Variants in PCDHGA7 observed in about 807,000 individuals in gnomAD.
The protein encoded by PCDHGA7 is protocadherin gamma subfamily A, 7.
In PCDHGA7, 44 loss-of-function variants were observed where a neutral mutation model predicts 58.3. The observed-to-expected ratio is 0.75, with a 90% CI of 0.59 to 0.97. PCDHGA7 has a LOEUF of 0.97. PCDHGA7 is among the 50% of genes least tolerant of loss of function. The probability of loss-of-function intolerance (pLI) is 0.00; values close to 1 mark genes in which losing one functional copy is unlikely to be tolerated. For missense variants in PCDHGA7, 1,266 were observed against 1,188.7 expected (o/e 1.06, Z -0.96); for synonymous variants, 516 against 504.2 (o/e 1.02, Z -0.31).
At chr5:141,495,800 C>T (rs1351461035) in intron 2 of PCDHGA7, among the ~76,000 whole-genome samples, 5 of 152,134 alleles carry the variant, frequency 3.3e-5, no homozygotes, top group Non-Finnish European at 7.3e-5. Context: ...CTCCTTTCAC[C>T]GTTTCCTAGC....
At chr5:141,386,956 G>A (rs1561613070) in intron 1 of PCDHGA7, among the ~76,000 whole-genome samples, 1 of 152,208 alleles carries the variant, frequency 6.6e-6, no homozygotes, top group Non-Finnish European at 1.5e-5. Context: ...CTTCAGTGCA[G>A]CAGATCTCAG....
chr5:141,469,676 A>G (rs1227075639), intron 1 of PCDHGA7, among the ~76,000 whole-genome samples: 1 of 152,250 alleles, frequency 6.6e-6, no homozygotes, highest in African/African-American at 2.4e-5. Context: ...ATAAAACTAC[A>G]TATGCATTGG....
intron 1 of PCDHGA7, chr5:141,428,219 T>C (rs749413221): frequency 8.4e-7 from 1 of 1,195,778 alleles, no homozygotes. Context: ...CACCTAGTCT[T>C]CGCAGACAGC....
chr5:141,403,004 T>A, intron 1 of PCDHGA7: 1 of 1,613,990 alleles, frequency 6.2e-7, no homozygotes, highest in Non-Finnish European at 8.5e-7. Context: ...CCTGCTATGC[T>A]CGCTCCTGGG....
rs372202008 is a variant in PCDHGA7, at chr5:141,404,550, C to T, written c.2424+19227C>T. The stretch of plus-strand genomic sequence containing the variant: ...TTTAGAGATTTGCAAATGCAGGTGA[C>T]GGCAAGTGACAGTGGAAGCCCACCA... On this transcript the variant is annotated intron_variant, in intron 1 of 3. Coordinates refer to ENST00000518325, the MANE Select transcript of PCDHGA7 (RefSeq NM_018920.4). The T allele has an allele frequency of 2.8e-4, 448 of 1,613,648 alleles. 1 individual carries two copies. The highest frequency in any genetic ancestry group is 9.8e-4 in the South Asian group (89 of 91,080).
At chr5:141,495,392 G>A (rs2099760968) in intron 2 of PCDHGA7, among the ~76,000 whole-genome samples, 2 of 152,186 alleles carry the variant, frequency 1.3e-5, no homozygotes, top group Non-Finnish European at 2.9e-5. Context: ...GGCGGGGCAT[G>A]GAGCAGGCCC....
intron 1 of PCDHGA7, 115 bp from the exon 2 acceptor site, chr5:141,494,692 C>G: frequency 6.3e-7 from 1 of 1,581,934 alleles, no homozygotes; most frequent in South Asian, 1.1e-5. Context: ...CCTCTTAGTC[C>G]GTTTTCTTCT....
rs1409333356 is a variant in PCDHGA7 at position 141,418,996 on chromosome 5, T to C, written c.2424+33673T>C. On this transcript the variant is annotated intron_variant, in intron 1 of 3. Coordinates refer to ENST00000518325, the MANE Select transcript of PCDHGA7 (RefSeq NM_018920.4). ...CACGGGACCAAGACTCAGGGGAAAATGGGGAAGTCAGGTGTAGCTTAAGTA... is the reference window on the plus strand; with the variant it reads ...CACGGGACCAAGACTCAGGGGAAAACGGGGAAGTCAGGTGTAGCTTAAGTA... 3.3e-5 allele frequency: 54 copies of C among 1,613,756 alleles called. 1 individual carries two copies. The East Asian group carries it at 1.0e-3, about 30-fold the overall frequency.
intron 3 of PCDHGA7, among the ~76,000 whole-genome samples, chr5:141,506,402 G>C (rs1032556978): frequency 7.0e-6 from 1 of 143,732 alleles, no homozygotes; most frequent in African/African-American, 2.6e-5. Context: ...GCAGAAAATC[G>C]CACCACTGCA....
chr5:141,404,929 G>A (rs766845913), intron 1 of PCDHGA7: 46 of 1,613,744 alleles, frequency 2.9e-5, no homozygotes, highest in Admixed American at 2.3e-4. Flanking sequence ...CCACTGTCAC[G>A]CTCACAGTAG....
intron 1 of PCDHGA7, chr5:141,414,969 G>A (rs764972439): frequency 7.4e-6 from 12 of 1,613,954 alleles, no homozygotes; most frequent in South Asian, 1.1e-5. Context: ...TGGTGGCGGT[G>A]GACAGAGACT....
Position 141,417,921 on chromosome 5 carries a change from T to G in PCDHGA7, c.2424+32598T>G, listed in dbSNP as rs771406905. 7.5e-6 allele frequency: 12 copies of G among 1,607,746 alleles called. No homozygotes were observed. The Admixed American group carries it at 1.7e-4, about 23-fold the overall frequency. On this transcript the variant is annotated intron_variant, in intron 1 of 3. Transcript: ENST00000518325. ...CCGCGGCAGGTACTATTTCCTTTGC[T>G]GCTGCCTTTGTTCTACCCCACGCTG...
At chr5:141,405,775 G>A (rs2094716657) in intron 1 of PCDHGA7, among the ~76,000 whole-genome samples, 1 of 152,002 alleles carries the variant, frequency 6.6e-6, no homozygotes, top group African/African-American at 2.4e-5. Flanking sequence ...ACTGCGCCTG[G>A]CCCTTAACTT....
intron 1 of PCDHGA7, chr5:141,389,882 G>A: frequency 6.2e-7 from 1 of 1,614,082 alleles, no homozygotes; most frequent in Non-Finnish European, 8.5e-7. Flanking sequence ...CCGACAGCTT[G>A]CAGGAGGTGC....
intron 1 of PCDHGA7, among the ~76,000 whole-genome samples, chr5:141,463,377 G>T (rs1161419035): frequency 2.7e-5 from 4 of 147,358 alleles, no homozygotes; most frequent in Non-Finnish European, 3.0e-5. Flanking sequence ...CCCACAGTCT[G>T]AAAGTTGTCT....
In PCDHGA7 at chr5:141,385,086, A is replaced by G; in HGVS notation, c.2187A>G (p.Glu729=). The G allele has an allele frequency of 6.2e-7, 1 of 1,614,206 alleles. No individual in the cohort carries two copies. Among genetic ancestry groups the G allele is most frequent in the African/African-American group, 1.3e-5 (1 of 75,070 alleles). ...WHKSRLLQAS[E]GGLANVPTSH... is the part of the protein sequence containing the mutation. ...AGTCACGCCTGCTGCAGGCTTCAGA[A>G]GGTGGCTTGGCGAACGTGCCCACCT... Residue 729 remains glutamate (E), a synonymous_variant, in exon 1 of 4, where the codon GAA becomes GAG. Coordinates refer to ENST00000518325, the MANE Select transcript of PCDHGA7 (RefSeq NM_018920.4).
intron 1 of PCDHGA7, chr5:141,418,983 A>T: frequency 6.2e-7 from 1 of 1,613,900 alleles, no homozygotes; most frequent in Admixed American, 1.7e-5. Context: ...CGGGACCAAG[A>T]CTCAGGGGAA....
At position 141,494,787 on chromosome 5, in the gene PCDHGA7, T is replaced by G. The variant is rs763990551; in HGVS notation, c.2425-20T>G. The G allele has an allele frequency of 6.2e-7, 1 of 1,614,044 alleles. No individual in the cohort carries two copies. Among genetic ancestry groups the G allele is most frequent in the Non-Finnish European group, 8.5e-7 (1 of 1,179,990 alleles). On this transcript the variant is annotated intron_variant, in intron 1 of 3. Transcript: ENST00000518325. ...ACTTCTCACGGGTACTCAGCCCCTT[T>G]CCCTCTGTTTTCTCCACAGCAAGCC...
At chr5:141,419,124 T>A in intron 1 of PCDHGA7, 1 of 1,613,798 alleles carries the variant, frequency 6.2e-7, no homozygotes, top group Non-Finnish European at 8.5e-7. Context: ...AACGTCACCA[T>A]CGCAGCCACA....
Sources: allele counts gnomAD v4.1 joint callset (sites outside exome capture counted in the v4.1 genomes callset), GRCh38; gene constraint gnomAD v4.1.1; transcripts MANE v1.5; gene names NCBI Gene and HGNC (gene_info 2026-07-23, HGNC 2026-07-21).